The following PPP1R37 variants were observed in gnomAD, a reference collection of about 807,000 sequenced individuals.
The protein encoded by PPP1R37 is protein phosphatase 1 regulatory subunit 37.
Under a neutral mutation model 61.0 loss-of-function variants are expected in PPP1R37, and 21 were observed. The observed-to-expected ratio is 0.34, with a 90% confidence interval of 0.24 to 0.50. The LOEUF (loss-of-function observed/expected upper bound fraction) is 0.50. Among genes scored for constraint, PPP1R37 ranks in the 20% least tolerant of loss-of-function variants. The probability of loss-of-function intolerance (pLI) is 0.98; values close to 1 mark genes in which losing one functional copy is unlikely to be tolerated. For missense variants in PPP1R37, 910 were observed against 952.7 expected, an observed-to-expected ratio of 0.96 and a Z score of 0.59; for synonymous variants, 443 against 433.5, an observed-to-expected ratio of 1.02 and a Z score of -0.27.
chr19:45,094,600 A>G (rs1396254670), intron 1 of PPP1R37, among the ~76,000 whole-genome samples: 1 of 152,102 alleles, frequency 6.6e-6, no homozygotes, highest in Non-Finnish European at 1.5e-5. Flanking sequence ...AGTGGTGCAC[A>G]CCTGTAATCC....
chr19:45,145,878 G>A lies in PPP1R37; in HGVS notation c.1822G>A (p.Gly608Arg), dbSNP rs1378901646. 12 of 1,258,268 alleles carry A rather than the reference G, an allele frequency of 9.5e-6. No homozygotes were observed. The highest frequency in any genetic ancestry group is 8.8e-5 in the South Asian group (7 of 79,940). 77.9% of individuals were successfully genotyped at this position (1,258,268 alleles called of 1,614,324 possible). A position where few individuals can be genotyped will look rare whatever the true frequency, so the allele number is the denominator to read the frequency against. ...PPASPSLPPA[G>R]AIDTRDTGSS... ...CGCCTCACCTTCCCTACCACCAGCCGGGGCCATTGACACCCGGGACACAGG... is the reference window on the plus strand; with the variant it reads ...CGCCTCACCTTCCCTACCACCAGCCAGGGCCATTGACACCCGGGACACAGG... The change falls in exon 11 of 13, where the codon GGG (glycine) becomes AGG (arginine). Residue 608 changes from glycine to arginine, a missense_variant. Gly to Arg is a moderately radical substitution (Grantham distance 125). Transcript: ENST00000221462.
At position 45,145,819 on chromosome 19, in the gene PPP1R37, C is replaced by A; in HGVS notation, c.1763C>A (p.Thr588Asn). The A allele has an allele frequency of 2.8e-6, 4 of 1,406,328 alleles. No individual in the cohort carries two copies. The highest frequency in any genetic ancestry group is 3.7e-6 in the Non-Finnish European group (4 of 1,069,376). 87.1% of individuals were successfully genotyped at this position (1,406,328 alleles called of 1,614,324 possible). A position where few individuals can be genotyped will look rare whatever the true frequency, so the allele number is the denominator to read the frequency against. The change falls in exon 11 of 13, where the codon ACC becomes AAC. Residue 588 changes from threonine to asparagine, a missense_variant. Transcript: ENST00000221462. ...AGGGCAGAGCCCCCTGCGTCCCCCACCCCTCCCTCTCCCCCACCCCCTCCC... is the reference window on the plus strand; with the variant it reads ...AGGGCAGAGCCCCCTGCGTCCCCCAACCCTCCCTCTCCCCCACCCCCTCCC... The part of the protein sequence containing the change: ...PERAEPPASP[T>N]PPSPPPPPSP...
intron 1 of PPP1R37, among the ~76,000 whole-genome samples, chr19:45,101,408 G>A (rs771798083): frequency 1.3e-5 from 2 of 152,182 alleles, no homozygotes; most frequent in Admixed American, 6.5e-5. Context: ...CTAGCAGGGA[G>A]CCCCAGAGGG....
chr19:45,139,147 C>G (rs2122751777), intron 2 of PPP1R37, among the ~76,000 whole-genome samples: 1 of 152,090 alleles, frequency 6.6e-6, no homozygotes, highest in East Asian at 1.9e-4. Flanking sequence ...AAACTCCTGA[C>G]CTCAGGTGAT....
At position 45,145,826 on chromosome 19, in the gene PPP1R37, CTCTCCCCCA is replaced by C; in HGVS notation, c.1771_1779del (p.Ser591_Pro593del). ...AGCCCCCTGCGTCCCCCACCCCTCC[CTCTCCCCCA>C]CCCCCTCCCTCCCCACCCGCCTCAC... On this transcript the variant is annotated inframe_deletion, in exon 11 of 13. Transcript: ENST00000221462. 7.5e-7 allele frequency: 1 copy of C among 1,334,246 alleles called. No individual in the cohort carries two copies. Among genetic ancestry groups the C allele is most frequent in the South Asian group, 1.4e-5 (1 of 69,390 alleles). 82.7% of individuals were successfully genotyped at this position (1,334,246 alleles called of 1,614,324 possible).
chr19:45,142,558 A>G (rs978782472), intron 7 of PPP1R37, 100 bp downstream of exon 7: 49 of 1,233,202 alleles, frequency 4.0e-5, no homozygotes, highest in Non-Finnish European at 5.3e-5. Context: ...GGCCAAGACC[A>G]CCCCAACGCT....
In PPP1R37 at chr19:45,144,962, C is replaced by T. The variant is rs146723120; in HGVS notation, c.1096C>T (p.Leu366Phe). Residue 366 changes from leucine (L) to phenylalanine (F), a missense_variant, in exon 9 of 13, where the codon CTC (leucine) becomes TTC (phenylalanine). Coordinates refer to ENST00000221462, the MANE Select transcript of PPP1R37 (RefSeq NM_019121.2). Reference sequence around the variant, plus strand: ...CATCAGCAACCGCAGCGTGCTGCGCCTCGGGCTGGCCTCCACCAAGCTCAC... The same window carrying T: ...CATCAGCAACCGCAGCGTGCTGCGCTTCGGGCTGGCCTCCACCAAGCTCAC... ...GLISNRSVLR[L>F]GLASTKLTCE... The T allele has an allele frequency of 9.6e-3, 14,767 of 1,535,442 alleles. 84 individuals are homozygous for T. The highest frequency in any genetic ancestry group is 0.011 in the Non-Finnish European group (12,967 of 1,146,582).
intron 7 of PPP1R37, 102 bp downstream of exon 7, chr19:45,142,560 C>T: frequency 1.6e-6 from 2 of 1,222,238 alleles, no homozygotes; most frequent in Non-Finnish European, 2.3e-6. Flanking sequence ...CCAAGACCAC[C>T]CCAACGCTGT....
intron 1 of PPP1R37, chr19:45,128,960 A>G: frequency 1.3e-6 from 1 of 777,220 alleles, no homozygotes; most frequent in Non-Finnish European, 2.2e-6. Context: ...GCTGTGGAGA[A>G]GGGACCCTGA....
chr19:45,106,899 C>T (rs1968139343), intron 1 of PPP1R37, among the ~76,000 whole-genome samples: 1 of 147,096 alleles, frequency 6.8e-6, no homozygotes, highest in South Asian at 2.2e-4. Context: ...TCACTGCACG[C>T]TCCGCCTCCC....
intron 12 of PPP1R37, 33 bp downstream of exon 12, chr19:45,146,513 G>T (rs1968703476): frequency 7.0e-7 from 1 of 1,424,760 alleles, no homozygotes; most frequent in African/African-American, 1.4e-5. Context: ...CAGCACTCGG[G>T]AGGAGCTGAG....
chr19:45,130,257 C>T lies in PPP1R37; in HGVS notation c.203-8257C>T, dbSNP rs1054446650. Among the ~76,000 whole-genome samples the T allele has an allele frequency of 7.2e-5, 11 of 152,296 alleles. No individual in the cohort carries two copies. Among genetic ancestry groups the T allele is most frequent in the Middle Eastern group, 3.4e-3 (1 of 294 alleles). On this transcript the variant is annotated intron_variant, in intron 1 of 12. Coordinates refer to ENST00000221462, the MANE Select transcript of PPP1R37 (RefSeq NM_019121.2). This position sits in a 1 kb window ranked among gnomAD's most constrained non-coding sequence, Gnocchi z 4.4. The stretch of plus-strand genomic sequence containing the variant: ...CGATCAGGTCCCCTCCCCGTGAGTA[C>T]TACAGGGGACCCCACTCCTGCAGAA...
At chr19:45,134,766 C>T (rs1292084527) in intron 1 of PPP1R37, among the ~76,000 whole-genome samples, 1 of 152,092 alleles carries the variant, frequency 6.6e-6, no homozygotes, top group African/African-American at 2.4e-5. Flanking sequence ...TACGGCGCTT[C>T]TGTAAGCACT....
At position 45,145,605 on chromosome 19, in the gene PPP1R37, G is replaced by A. The variant is rs534704635; in HGVS notation, c.1549G>A (p.Glu517Lys). ...SDSDSDGEEE[E>K]EEEGERDETP... is the part of the protein sequence containing the mutation. Reference sequence around the variant, plus strand: ...CTCGGACTCGGATGGGGAGGAAGAGGAGGAAGAGGAAGGGGAGAGGGACGA... The same window carrying A: ...CTCGGACTCGGATGGGGAGGAAGAGAAGGAAGAGGAAGGGGAGAGGGACGA... The change falls in exon 11 of 13, where the codon GAG becomes AAG. Residue 517 changes from glutamate to lysine, a missense_variant. Transcript: ENST00000221462. 2.4e-4 allele frequency: 363 copies of A among 1,536,084 alleles called. 1 individual carries two copies. The highest frequency in any genetic ancestry group is 3.1e-4 in the Non-Finnish European group (353 of 1,146,930).
intron 1 of PPP1R37, among the ~76,000 whole-genome samples, chr19:45,137,360 A>T (rs1968551730): frequency 6.6e-6 from 1 of 152,282 alleles, no homozygotes; most frequent in Admixed American, 6.5e-5. Context: ...GCTCAGTAAG[A>T]GAAGCCAACC....
At chr19:45,106,933 C>G (rs1272005958) in intron 1 of PPP1R37, among the ~76,000 whole-genome samples, 1 of 149,726 alleles carries the variant, frequency 6.7e-6, no homozygotes, top group East Asian at 2.0e-4. Context: ...TCTCCTGCCT[C>G]AGCCTCCCAA....
chr19:45,143,603 C>T lies in PPP1R37; in HGVS notation c.957C>T (p.His319=). The T allele has an allele frequency of 6.5e-7, 1 of 1,535,554 alleles. No homozygotes were observed. The highest frequency in any genetic ancestry group is 8.7e-7 in the Non-Finnish European group (1 of 1,146,372). Residue 319 remains histidine, a synonymous_variant, in exon 8 of 13, where the codon CAC becomes CAT. Coordinates refer to ENST00000221462, the MANE Select transcript of PPP1R37 (RefSeq NM_019121.2). ...TGCTGTGGAACAACCAGCTCACGCA[C>T]ACAGGCATGGCCTTCCTGGGCATGA... ...TLVLWNNQLT[H]TGMAFLGMTL...
intron 1 of PPP1R37, among the ~76,000 whole-genome samples, chr19:45,112,401 A>C (rs1968213402): frequency 7.9e-6 from 1 of 125,820 alleles, no homozygotes; most frequent in African/African-American, 3.0e-5. Context: ...TGATGAGTAC[A>C]TTTGGCTTCT....
At position 45,121,221 on chromosome 19, in the gene PPP1R37, G is replaced by A. The variant is rs1365204005; in HGVS notation, c.203-17293G>A. Among the ~76,000 whole-genome samples the A allele has an allele frequency of 1.3e-5, 2 of 152,232 alleles. No individual in the cohort carries two copies. The highest frequency in any genetic ancestry group is 2.9e-5 in the Non-Finnish European group (2 of 68,040). On this transcript the variant is annotated intron_variant, in intron 1 of 12. Coordinates refer to ENST00000221462, the MANE Select transcript of PPP1R37 (RefSeq NM_019121.2). This position sits in a 1 kb window ranked among gnomAD's most constrained non-coding sequence, Gnocchi z 4.2. ...TGTAGGAGTGGTGGGAGAGCGTGGG[G>A]ATGATTACTGTTGGGAAATGCATGG...
Sources: allele counts gnomAD v4.1 joint callset (sites outside exome capture counted in the v4.1 genomes callset), GRCh38; gene constraint gnomAD v4.1.1; non-coding constraint Gnocchi (gnomAD v3.1); transcripts MANE v1.5; gene names NCBI Gene and HGNC (gene_info 2026-07-23, HGNC 2026-07-21).